KIAA0825: variants seen among roughly 807,000 people sequenced by gnomAD.
The protein encoded by KIAA0825 is uncharacterized protein KIAA0825.
A neutral mutation model predicts 147.6 loss-of-function variants in KIAA0825; 119 were observed. The observed-to-expected ratio is 0.81, with a 90% CI of 0.69 to 0.94. The LOEUF (loss-of-function observed/expected upper bound fraction) is 0.94, where lower values mean the gene tolerates loss of function less well. KIAA0825 is among the 40% of genes least tolerant of loss of function. The pLI is 0.00. For synonymous variants in KIAA0825, 470 were observed against 518.1 expected (o/e 0.91, Z 1.26); for missense variants, 1,381 against 1,472.7 (o/e 0.94, Z 1.02).
At chr5:94,193,335 C>A (rs1453379435) in intron 20 of KIAA0825, among the ~76,000 whole-genome samples, 4 of 152,146 alleles carry the variant, frequency 2.6e-5, no homozygotes, top group African/African-American at 9.7e-5. Context: ...ATAATAATGG[C>A]TGTTAATTAT....
chr5:94,574,562 A>AAAG (rs2067219203), intron 2 of KIAA0825, among the ~76,000 whole-genome samples: 2 of 149,752 alleles, frequency 1.3e-5, no homozygotes, highest in African/African-American at 5.0e-5. Context: ...AAAAAAAAAA[A>AAAG]AAAGAAAAAA....
At chr5:94,313,019 T>C (rs1779321367) in intron 20 of KIAA0825, among the ~76,000 whole-genome samples, 1 of 151,650 alleles carries the variant, frequency 6.6e-6, no homozygotes. Flanking sequence ...CTACATTTTC[T>C]AATCAAAGGA....
chr5:94,416,936 T>C (rs1391374512), intron 15 of KIAA0825: 2 of 288,798 alleles, frequency 6.9e-6, no homozygotes, highest in African/African-American at 4.2e-5. Flanking sequence ...AATAAATTTT[T>C]ATGATAGAAC....
chr5:94,238,541 T>C (rs974114885), intron 20 of KIAA0825, among the ~76,000 whole-genome samples: 3 of 152,230 alleles, frequency 2.0e-5, no homozygotes, highest in Non-Finnish European at 2.9e-5. Context: ...CACTTATGTT[T>C]TTCTAATCAT....
intron 5 of KIAA0825, among the ~76,000 whole-genome samples, chr5:94,491,954 C>CA (rs1763786243): frequency 6.6e-6 from 1 of 152,088 alleles, no homozygotes. Flanking sequence ...TCAGATAACC[C>CA]ACAGATAAGT....
intron 5 of KIAA0825, among the ~76,000 whole-genome samples, chr5:94,516,056 A>C (rs1181754064): frequency 6.6e-6 from 1 of 152,228 alleles, no homozygotes; most frequent in Non-Finnish European, 1.5e-5. Flanking sequence ...CATGCTCTCT[A>C]AGAAACAAAA....
At position 94,152,898 on chromosome 5, in the gene KIAA0825, ATATAT is replaced by A. The variant is rs55690460; in HGVS notation, c.*1104_*1108del. 195 of 39,366 alleles carry A rather than the reference ATATAT, an allele frequency of 5.0e-3. 55 individuals are homozygous for A. Among genetic ancestry groups the A allele is most frequent in the East Asian group, 6.5e-3 (10 of 1,532 alleles). 2.4% of individuals were successfully genotyped at this position (39,366 alleles called of 1,614,324 possible). ...TATATATATATATATATATATATATATATATGGTTTCTCCCAGACGTTCTTAGACT... is the reference window on the plus strand; with the variant it reads ...TATATATATATATATATATATATATAGGTTTCTCCCAGACGTTCTTAGACT... On this transcript the variant is annotated 3_prime_UTR_variant, in exon 21 of 21. Coordinates refer to ENST00000682413, the MANE Select transcript of KIAA0825 (RefSeq NM_001145678.3).
intron 19 of KIAA0825, 25 bp downstream of exon 19, chr5:94,386,217 A>G (rs1228910775): frequency 1.3e-6 from 2 of 1,524,662 alleles, no homozygotes; most frequent in Non-Finnish European, 1.8e-6. Context: ...ACACATTTAA[A>G]TTAAATTTAC....
chr5:94,313,148 C>T (rs1779330741), intron 20 of KIAA0825, among the ~76,000 whole-genome samples: 1 of 151,568 alleles, frequency 6.6e-6, no homozygotes, highest in Admixed American at 6.6e-5. Context: ...AGACATCAAT[C>T]TTGGAATGTT....
rs1019336208 is a variant in KIAA0825, at chr5:94,382,165, C to T, written c.3710+2203G>A. ...AAACTGAGCATATTCAGCTGAACTG[C>T]TCTGAATTCTTTCCTTTGGCTACAC... On this transcript the variant is annotated intron_variant, in intron 20 of 20. Transcript: ENST00000682413. 1.3e-5 allele frequency among the ~76,000 whole-genome samples: 2 copies of T among 152,122 alleles called. 1 individual carries two copies. The highest frequency in any genetic ancestry group is 4.1e-4 in the South Asian group (2 of 4,828).
chr5:94,210,566 G>A (rs1384947036), intron 20 of KIAA0825, among the ~76,000 whole-genome samples: 1 of 152,170 alleles, frequency 6.6e-6, no homozygotes, highest in African/African-American at 2.4e-5. Context: ...TATAGAGGTG[G>A]TAATTGTGTC....
chr5:94,348,913 C>G (rs1488201939), intron 20 of KIAA0825, among the ~76,000 whole-genome samples: 1 of 152,152 alleles, frequency 6.6e-6, no homozygotes, highest in East Asian at 1.9e-4. Flanking sequence ...ACACAGGCAA[C>G]ATAGAGCATG....
chr5:94,192,247 T>G (rs1770737667), intron 20 of KIAA0825, among the ~76,000 whole-genome samples: 1 of 152,236 alleles, frequency 6.6e-6, no homozygotes, highest in South Asian at 2.1e-4. Context: ...CAGCATCATT[T>G]TTTTCTATCA....
intron 20 of KIAA0825, among the ~76,000 whole-genome samples, chr5:94,282,434 T>C (rs1380437198): frequency 6.6e-6 from 1 of 152,088 alleles, no homozygotes; most frequent in Non-Finnish European, 1.5e-5. Flanking sequence ...AAAACTCACA[T>C]TGGATTGGCA....
rs1584699750 is a variant in KIAA0825 at position 94,501,071 on chromosome 5, T to A, written c.971-16141A>T. Reference sequence around the variant, plus strand: ...GCACCCGCCTCTTTCACTACTATTATTTTAAATGGAAAAAAATTAATGTAG... The same window carrying A: ...GCACCCGCCTCTTTCACTACTATTAATTTAAATGGAAAAAAATTAATGTAG... On this transcript the variant is annotated intron_variant, in intron 5 of 20. Transcript: ENST00000682413. Among the ~76,000 whole-genome samples the A allele has an allele frequency of 1.3e-5, 2 of 152,316 alleles. 1 individual carries two copies. The highest frequency in any genetic ancestry group is 1.3e-4 in the Admixed American group (2 of 15,304).
chr5:94,441,879 T>C (rs1757126769), intron 13 of KIAA0825, among the ~76,000 whole-genome samples: 1 of 152,210 alleles, frequency 6.6e-6, no homozygotes, highest in African/African-American at 2.4e-5. Context: ...CAGCAAACAT[T>C]CTCTATCCCT....
Position 94,204,549 on chromosome 5 carries a change from A to G in KIAA0825, c.3711-50425T>C, listed in dbSNP as rs193078940. On this transcript the variant is annotated intron_variant, in intron 20 of 20. Transcript: ENST00000682413. ...AAGTTAAATTGTAAACTATTTATGGAAAAATAAATTTCTTTAGCTTCCTTT... is the reference window on the plus strand; with the variant it reads ...AAGTTAAATTGTAAACTATTTATGGGAAAATAAATTTCTTTAGCTTCCTTT... Among the ~76,000 whole-genome samples the G allele has an allele frequency of 1.0e-3, 156 of 152,338 alleles. 1 individual carries two copies. Among genetic ancestry groups the G allele is most frequent in the Non-Finnish European group, 2.0e-3 (137 of 68,018 alleles).
At chr5:94,375,222 A>G (rs762290147) in intron 20 of KIAA0825, among the ~76,000 whole-genome samples, 63 of 151,876 alleles carry the variant, frequency 4.1e-4, no homozygotes, top group African/African-American at 1.5e-3. Flanking sequence ...TAGTAGAGAC[A>G]GGGTTTCACT....
chr5:94,351,518 AG>A (rs1218923034), intron 20 of KIAA0825, among the ~76,000 whole-genome samples: 2 of 152,228 alleles, frequency 1.3e-5, no homozygotes, highest in African/African-American at 4.8e-5. Flanking sequence ...TACTGCCAAA[AG>A]AAATCTCCAA....
Sources: allele counts gnomAD v4.1 joint callset (sites outside exome capture counted in the v4.1 genomes callset), GRCh38; gene constraint gnomAD v4.1.1; transcripts MANE v1.5; gene names NCBI Gene and HGNC (gene_info 2026-07-23, HGNC 2026-07-21).